KHDC4: variants seen among roughly 807,000 people sequenced by gnomAD.
KHDC4 encodes KH domain containing 4, pre-mRNA splicing factor.
In KHDC4, 19 loss-of-function variants were observed where a neutral mutation model predicts 74.5. The ratio of observed to expected loss-of-function variants is 0.26; its 90% CI spans 0.18 to 0.37. KHDC4 has a LOEUF of 0.37. Ranked by LOEUF, KHDC4 falls within the 10% of genes least tolerant of loss-of-function variation. The probability of loss-of-function intolerance (pLI) is 1.00; values close to 1 mark genes in which losing one functional copy is unlikely to be tolerated. For synonymous variants in KHDC4, 253 were observed against 266.1 expected (o/e 0.95, Z 0.48); for missense variants, 632 against 754.1 (o/e 0.84, Z 1.90).
chr1:155,927,914 C>T (rs1170244225), intron 4 of KHDC4, among the ~76,000 whole-genome samples: 1 of 142,034 alleles, frequency 7.0e-6, no homozygotes, highest in Non-Finnish European at 1.5e-5. Flanking sequence ...ATAGAGAAAC[C>T]TCTTAAGGTC....
At chr1:155,928,501 A>C (rs1421412077) in intron 4 of KHDC4, among the ~76,000 whole-genome samples, 2 of 151,860 alleles carry the variant, frequency 1.3e-5, no homozygotes, top group Non-Finnish European at 2.9e-5. Context: ...ACTGACAGTG[A>C]AGAGAAACTC....
chr1:155,923,762 T>A lies in KHDC4; in HGVS notation c.894-75A>T. On this transcript the variant is annotated intron_variant, in intron 7 of 13. Transcript: ENST00000368321. ...TGCAGAATTCTGCTTTCATTTTCCA[T>A]GCTATTTTACATATCTACATTAATA... 4.2e-6 allele frequency: 5 copies of A among 1,183,316 alleles called. No individual in the cohort carries two copies. The South Asian group carries it at 5.0e-5, about 12-fold the overall frequency. 73.3% of individuals were successfully genotyped at this position (1,183,316 alleles called of 1,614,324 possible).
intron 7 of KHDC4, among the ~76,000 whole-genome samples, chr1:155,924,437 C>T (rs961613743): frequency 5.3e-5 from 8 of 151,878 alleles, no homozygotes; most frequent in Non-Finnish European, 7.4e-5. Context: ...TGGTCTCAAT[C>T]TCCTGACCTG....
rs1310389043 is a variant in KHDC4, at chr1:155,933,491, G to C, written c.255+142C>G. 5.3e-6 allele frequency: 3 copies of C among 563,866 alleles called. No homozygotes were observed. In the African/African-American group the frequency reaches 5.7e-5, roughly 11 times the overall value. 34.9% of individuals were successfully genotyped at this position (563,866 alleles called of 1,614,324 possible). On this transcript the variant is annotated intron_variant, in intron 2 of 13. Coordinates refer to ENST00000368321, the MANE Select transcript of KHDC4 (RefSeq NM_014949.4). ...AGTAGAGACGGGGTTTCACCATGTT[G>C]GTCAGGCTGGTCTCAAACTCCTGAC...
At chr1:155,930,986 G>T (rs1674128619) in intron 2 of KHDC4, among the ~76,000 whole-genome samples, 1 of 152,054 alleles carries the variant, frequency 6.6e-6, no homozygotes. Context: ...ACTCCAGCCT[G>T]GGCAACAAGA....
At chr1:155,925,525 C>T in intron 7 of KHDC4, 107 bp downstream of exon 7, 1 of 815,456 alleles carries the variant, frequency 1.2e-6, no homozygotes, top group South Asian at 1.5e-5. Context: ...CTAAATCCCT[C>T]ATTACTATTA....
chr1:155,921,308 T>C, intron 10 of KHDC4, 67 bp downstream of exon 10: 2 of 1,543,978 alleles, frequency 1.3e-6, no homozygotes, highest in South Asian at 2.3e-5. Context: ...GGAATACCAC[T>C]ACTTCCCCTC....
At position 155,929,349 on chromosome 1, in the gene KHDC4, T is replaced by C. The variant is rs770366378; in HGVS notation, c.411A>G (p.Val137=). Residue 137 remains valine, a synonymous_variant, in exon 4 of 14, where the codon GTA becomes GTG. Coordinates refer to ENST00000368321, the MANE Select transcript of KHDC4 (RefSeq NM_014949.4). The part of the protein sequence containing the change: ...DEISRLSGAA[V]STRGRFMTTE... ...TTGTCATGAACCTCCCTCGAGTTGATACTGCAGCCCCACTAAGTCGGCTGA... is the reference window on the plus strand; with the variant it reads ...TTGTCATGAACCTCCCTCGAGTTGACACTGCAGCCCCACTAAGTCGGCTGA... 20 of 1,613,992 alleles carry C rather than the reference T, an allele frequency of 1.2e-5. No homozygotes were observed. Among genetic ancestry groups the C allele is most frequent in the African/African-American group, 4.0e-5 (3 of 74,940 alleles).
intron 4 of KHDC4, among the ~76,000 whole-genome samples, chr1:155,928,664 T>C (rs556050326): frequency 6.9e-6 from 1 of 144,034 alleles, no homozygotes; most frequent in East Asian, 2.1e-4. Context: ...TTAAGAAGTA[T>C]ATACAATGCC....
chr1:155,929,479 G>T (rs2102608557), intron 3 of KHDC4, 104 bp from the exon 4 acceptor site: 1 of 1,108,650 alleles, frequency 9.0e-7, no homozygotes, highest in Non-Finnish European at 1.3e-6. Flanking sequence ...AAGAAGGAAA[G>T]AATTCTCTCC....
intron 2 of KHDC4, among the ~76,000 whole-genome samples, chr1:155,931,858 G>A (rs897323706): frequency 3.3e-5 from 5 of 152,028 alleles, no homozygotes; most frequent in African/African-American, 1.2e-4. Flanking sequence ...ACCCCTTATA[G>A]TATTCATTTA....
chr1:155,921,523 G>A lies in KHDC4; in HGVS notation c.1118C>T (p.Pro373Leu). The stretch of plus-strand genomic sequence containing the variant: ...TGGTACTCCGTAGGGAGGTTGAACT[G>A]GCTGCTGAGGAGGGGGAACAACAGG... ...GYPVVPPPQQ[P>L]VQPPYGVPSI... The change falls in exon 10 of 14, where the codon CCA becomes CTA. Residue 373 changes from proline to leucine, a missense_variant. Coordinates refer to ENST00000368321, the MANE Select transcript of KHDC4 (RefSeq NM_014949.4). The A allele has an allele frequency of 1.2e-6, 2 of 1,614,092 alleles. No individual in the cohort carries two copies. Among genetic ancestry groups the A allele is most frequent in the East Asian group, 2.2e-5 (1 of 44,876 alleles).
In KHDC4 at chr1:155,925,843, T is replaced by C; in HGVS notation, c.682A>G (p.Met228Val). 1.2e-6 allele frequency: 2 copies of C among 1,601,756 alleles called. No individual in the cohort carries two copies. Among genetic ancestry groups the C allele is most frequent in the Non-Finnish European group, 1.7e-6 (2 of 1,168,838 alleles). Residue 228 changes from methionine (M) to valine (V), a missense_variant and splice_region_variant, in exon 7 of 14, where the codon ATG becomes GTG. Physicochemically the swap from Met to Val is conservative, Grantham distance 21. Transcript: ENST00000368321. ...AATAATTTATCTTGAACATAATGCATCTGTAGGAAGAACAGAATACTTCAG... is the reference window on the plus strand; with the variant it reads ...AATAATTTATCTTGAACATAATGCACCTGTAGGAAGAACAGAATACTTCAG... ...VSQKPPFQSG[M>V]HYVQDKLFVG...
chr1:155,931,402 G>C (rs1432402026), intron 2 of KHDC4, among the ~76,000 whole-genome samples: 2 of 151,938 alleles, frequency 1.3e-5, no homozygotes, highest in Non-Finnish European at 2.9e-5. Flanking sequence ...CTGAAGCAGG[G>C]TGGGCAACAT....
At position 155,921,532 on chromosome 1, in the gene KHDC4, G is replaced by A. The variant is rs1467400132; in HGVS notation, c.1109C>T (p.Pro370Leu). 1 of 1,613,998 alleles carries A rather than the reference G, an allele frequency of 6.2e-7. No homozygotes were observed. Among genetic ancestry groups the A allele is most frequent in the Admixed American group, 1.7e-5 (1 of 59,982 alleles). The change falls in exon 10 of 14, where the codon CCT becomes CTT. Residue 370 changes from proline (P) to leucine (L), a missense_variant. Transcript: ENST00000368321. ...YQSGYPVVPP[P>L]QQPVQPPYGV... is the part of the protein sequence containing the mutation. ...GTAGGGAGGTTGAACTGGCTGCTGA[G>A]GAGGGGGAACAACAGGGTAACCAGA...
chr1:155,916,109 C>T (rs1572003773), intron 12 of KHDC4, 145 bp from the exon 13 acceptor site: 1 of 606,080 alleles, frequency 1.6e-6, no homozygotes, highest in Non-Finnish European at 2.8e-6. Flanking sequence ...CTTCCCCCAG[C>T]CCCTTTATAA....
At chr1:155,923,383 G>C (rs1006377379) in intron 8 of KHDC4, among the ~76,000 whole-genome samples, 2 of 152,172 alleles carry the variant, frequency 1.3e-5, no homozygotes, top group Non-Finnish European at 2.9e-5. Context: ...GGTGCTAGGA[G>C]AGAGGAAAGG....
intron 10 of KHDC4, among the ~76,000 whole-genome samples, chr1:155,918,776 T>C (rs1192943583): frequency 6.6e-6 from 1 of 152,184 alleles, no homozygotes; most frequent in Non-Finnish European, 1.5e-5. Context: ...CTGACTGTAT[T>C]AATAACACAG....
chr1:155,916,646 C>T lies in KHDC4; in HGVS notation c.1532G>A (p.Gly511Asp), dbSNP rs373101855. ...TTACCTGTCCCTCTCTCTCTCTTTG[C>T]CTGAGGAACTTGCTGGCTTCGATCC... ...GAGSKPASSS[G>D]KERERDRQLM... is the part of the protein sequence containing the mutation. Residue 511 changes from glycine to aspartate, a missense_variant, in exon 12 of 14, where the codon GGC becomes GAC. By Grantham distance (94) the Gly-to-Asp change is moderately conservative. Transcript: ENST00000368321. 18 of 1,612,888 alleles carry T rather than the reference C, an allele frequency of 1.1e-5. No homozygotes were observed. The highest frequency in any genetic ancestry group is 1.4e-5 in the Non-Finnish European group (17 of 1,179,372).
Sources: allele counts gnomAD v4.1 joint callset (sites outside exome capture counted in the v4.1 genomes callset), GRCh38; gene constraint gnomAD v4.1.1; transcripts MANE v1.5; gene names NCBI Gene and HGNC (gene_info 2026-07-23, HGNC 2026-07-21).